Variants in BBS9 observed in about 807,000 individuals in gnomAD.
BBS9 encodes protein PTHB1.
In BBS9, 89 loss-of-function variants were observed where a neutral mutation model predicts 117.7. That is an observed-to-expected ratio of 0.76 (90% CI 0.64 to 0.90). The LOEUF (loss-of-function observed/expected upper bound fraction) is 0.90. Among genes scored for constraint, BBS9 ranks in the 40% least tolerant of loss-of-function variants. The pLI is 0.00. For synonymous variants in BBS9, 379 were observed against 370.9 expected (o/e 1.02, Z -0.25); for missense variants, 982 against 1,042.2 (o/e 0.94, Z 0.80).
rs541165627 is a variant in BBS9 at position 33,605,758 on chromosome 7, T to C, written c.*532T>C. 2.5e-5 allele frequency: 4 copies of C among 159,048 alleles called. No homozygotes were observed. Among genetic ancestry groups the C allele is most frequent in the African/African-American group, 9.6e-5 (4 of 41,616 alleles). 9.9% of individuals were successfully genotyped at this position (159,048 alleles called of 1,614,324 possible). On this transcript the variant is annotated 3_prime_UTR_variant, in exon 23 of 23. Coordinates refer to ENST00000242067, the MANE Select transcript of BBS9 (RefSeq NM_198428.3). Reference sequence around the variant, plus strand: ...GTAAGACTTGAATGTGATTATTTTATAAATAAAAGAACCACTATGAAACTT... The same window carrying C: ...GTAAGACTTGAATGTGATTATTTTACAAATAAAAGAACCACTATGAAACTT...
chr7:33,268,295 G>A (rs1326945381), intron 7 of BBS9, among the ~76,000 whole-genome samples: 6 of 152,186 alleles, frequency 3.9e-5, no homozygotes, highest in Non-Finnish European at 7.3e-5. Context: ...CCAGAGTTCT[G>A]TCTGTATGCA....
At chr7:33,562,279 T>G (rs1172074779) in intron 21 of BBS9, among the ~76,000 whole-genome samples, 1 of 152,222 alleles carries the variant, frequency 6.6e-6, no homozygotes, top group Non-Finnish European at 1.5e-5. Flanking sequence ...AACAAAGTGA[T>G]AAAAAACATA....
intron 6 of BBS9, among the ~76,000 whole-genome samples, chr7:33,261,619 T>A (rs528765817): frequency 1.3e-5 from 2 of 152,342 alleles, no homozygotes; most frequent in Admixed American, 1.3e-4. Flanking sequence ...TGAAAATAAA[T>A]GATTTTGGAG....
chr7:33,425,296 A>G (rs188820336), intron 19 of BBS9, among the ~76,000 whole-genome samples: 339 of 152,310 alleles, frequency 2.2e-3, no homozygotes, highest in Non-Finnish European at 3.5e-3. Context: ...TTTTATCATT[A>G]CTTATTTTAA....
intron 5 of BBS9, among the ~76,000 whole-genome samples, chr7:33,179,822 A>C (rs1797849875): frequency 2.0e-5 from 3 of 152,164 alleles, no homozygotes; most frequent in South Asian, 4.1e-4. Context: ...TATAGATTGC[A>C]GTGTACTTTT....
rs185408293 is a variant in BBS9, at chr7:33,341,658, A to G, written c.1275+685A>G. ...TATAATAATCAACATCATCATAATC[A>G]TTATGATTATCACAACCATCTATGT... On this transcript the variant is annotated intron_variant, in intron 11 of 22. Coordinates refer to ENST00000242067, the MANE Select transcript of BBS9 (RefSeq NM_198428.3). Among the ~76,000 whole-genome samples the G allele has an allele frequency of 2.0e-3, 300 of 152,208 alleles. 3 individuals carry two copies. Among genetic ancestry groups the G allele is most frequent in the Middle Eastern group, 0.017 (5 of 294 alleles).
chr7:33,292,422 TCAC>T (rs1232910307), intron 9 of BBS9, among the ~76,000 whole-genome samples: 1 of 152,164 alleles, frequency 6.6e-6, no homozygotes, highest in Middle Eastern at 3.4e-3. Context: ...AGATGGGGTT[TCAC>T]CATGTTGGCC....
intron 21 of BBS9, among the ~76,000 whole-genome samples, chr7:33,574,581 A>G (rs1425609202): frequency 1.3e-5 from 2 of 151,858 alleles, no homozygotes; most frequent in Non-Finnish European, 2.9e-5. Context: ...CCCCTGCCAT[A>G]TTTGGTACCA....
rs569775834 is a variant in BBS9, at chr7:33,428,307, A to G, written c.2115+40163A>G. 4.9e-3 allele frequency among the ~76,000 whole-genome samples: 750 copies of G among 152,284 alleles called. 10 individuals carry two copies. The highest frequency in any genetic ancestry group is 0.017 in the African/African-American group (706 of 41,570). On this transcript the variant is annotated intron_variant, in intron 19 of 22. Coordinates refer to ENST00000242067, the MANE Select transcript of BBS9 (RefSeq NM_198428.3). ...CTAGGATATTATCTCCCATTGAGTC[A>G]ATATGCCGAATTCAAATAGTTTTAA...
intron 19 of BBS9, among the ~76,000 whole-genome samples, chr7:33,388,725 A>C (rs369064303): frequency 2.6e-5 from 4 of 152,226 alleles, no homozygotes; most frequent in Non-Finnish European, 2.9e-5. Flanking sequence ...CTGTCTCTCC[A>C]AAAACTATTC....
rs779638896 is a variant in BBS9 at position 33,146,310 on chromosome 7, T to G, written c.58T>G (p.Phe20Val). 59 of 1,614,064 alleles carry G rather than the reference T, an allele frequency of 3.7e-5. No homozygotes were observed. The highest frequency in any genetic ancestry group is 2.7e-4 in the South Asian group (25 of 91,090). Residue 20 changes from phenylalanine (F) to valine (V), a missense_variant, in exon 2 of 23, where the codon TTT becomes GTT. Transcript: ENST00000242067. Reference protein sequence around the residue: ...WSTILGDKEEFDQGCLCLANV... With the variant: ...WSTILGDKEEVDQGCLCLANV... The stretch of plus-strand genomic sequence containing the variant: ...TACTATTCTGGGAGATAAAGAAGAA[T>G]TTGATCAAGGCTGTTTGTGTCTGGC...
chr7:33,505,433 A>C (rs747247096), intron 19 of BBS9, 30 bp from the exon 20 acceptor site: 2 of 1,611,900 alleles, frequency 1.2e-6, no homozygotes, highest in Non-Finnish European at 8.5e-7. Context: ...TTGTGAAATT[A>C]TCCCTAACCG....
chr7:33,235,185 C>T (rs1793247260), intron 5 of BBS9, among the ~76,000 whole-genome samples: 1 of 152,112 alleles, frequency 6.6e-6, no homozygotes, highest in Admixed American at 6.5e-5. Context: ...GTTTAAGTGG[C>T]ATCATTTATG....
chr7:33,435,004 C>T (rs62451190), intron 19 of BBS9, among the ~76,000 whole-genome samples: 30,659 of 152,118 alleles, frequency 0.2, 3,963 homozygotes, highest in Admixed American at 0.35. Context: ...TAGGAAATCT[C>T]ATCTCCTTTA....
rs549229296 is a variant in BBS9, at chr7:33,414,533, A to G, written c.2115+26389A>G. On this transcript the variant is annotated intron_variant, in intron 19 of 22. Transcript: ENST00000242067. ...CTTTGTGTGTATACATGCATGCATTATTTTAAAAATTGGGATCATCATATA... is the reference window on the plus strand; with the variant it reads ...CTTTGTGTGTATACATGCATGCATTGTTTTAAAAATTGGGATCATCATATA... 4.1e-4 allele frequency among the ~76,000 whole-genome samples: 62 copies of G among 152,188 alleles called. 1 individual carries two copies. The highest frequency in any genetic ancestry group is 2.4e-4 in the Non-Finnish European group (16 of 68,032).
intron 19 of BBS9, among the ~76,000 whole-genome samples, chr7:33,408,942 C>T (rs546242334): frequency 6.6e-6 from 1 of 152,264 alleles, no homozygotes; most frequent in African/African-American, 2.4e-5. Flanking sequence ...TTTTCATTTG[C>T]ATTTATCTGA....
At chr7:33,221,152 T>TTA (rs1790170150) in intron 5 of BBS9, among the ~76,000 whole-genome samples, 1 of 152,234 alleles carries the variant, frequency 6.6e-6, no homozygotes, top group Non-Finnish European at 1.5e-5. Flanking sequence ...TTCTGCTTGT[T>TTA]TATACCTAGA....
At chr7:33,617,998 C>T (rs1178876889) in intron 21 of BBS9, among the ~76,000 whole-genome samples, 1 of 152,150 alleles carries the variant, frequency 6.6e-6, no homozygotes, top group Non-Finnish European at 1.5e-5. Flanking sequence ...TTCATCACTA[C>T]TAGATCTACC....
chr7:33,307,786 T>TTA (rs397792310), intron 9 of BBS9, among the ~76,000 whole-genome samples: 2 of 151,454 alleles, frequency 1.3e-5, no homozygotes, highest in Non-Finnish European at 2.9e-5. Flanking sequence ...TTTTTTTTTT[T>TTA]AGTATTTTTG....
Sources: allele counts gnomAD v4.1 joint callset (sites outside exome capture counted in the v4.1 genomes callset), GRCh38; gene constraint gnomAD v4.1.1; transcripts MANE v1.5; gene names NCBI Gene and HGNC (gene_info 2026-07-23, HGNC 2026-07-21).